NXNL2: variants seen among roughly 807,000 people sequenced by gnomAD.
NXNL2 encodes nucleoredoxin like 2.
A neutral mutation model predicts 11.1 loss-of-function variants in NXNL2; 7 were observed. The ratio of observed to expected loss-of-function variants is 0.63; its 90% CI spans 0.36 to 1.18. The LOEUF is 1.18. Among genes scored for constraint, NXNL2 ranks in the 50% most tolerant of loss-of-function variants. The pLI is 0.02. For missense variants in NXNL2, 233 were observed against 217.7 expected (o/e 1.07, Z -0.44); for synonymous variants, 109 against 101.8 (o/e 1.07, Z -0.42).
intron 1 of NXNL2, among the ~76,000 whole-genome samples, chr9:88,560,728 G>A (rs746941709): frequency 6.6e-6 from 1 of 152,034 alleles, no homozygotes. Context: ...GGGCAACATA[G>A]TAAGACCCAG....
intron 1 of NXNL2, among the ~76,000 whole-genome samples, chr9:88,555,056 C>T (rs567303102): frequency 3.3e-5 from 5 of 152,330 alleles, no homozygotes; most frequent in African/African-American, 9.6e-5. Flanking sequence ...CCAGATGGTA[C>T]ACAAGACTTG....
chr9:88,574,062 T>C (rs1830313042), intron 2 of NXNL2, among the ~76,000 whole-genome samples: 2 of 152,314 alleles, frequency 1.3e-5, no homozygotes, highest in South Asian at 2.1e-4. Flanking sequence ...AACAGTTTAG[T>C]GGTTTCTTTA....
chr9:88,569,799 A>G (rs1830231929), intron 1 of NXNL2, among the ~76,000 whole-genome samples: 1 of 152,194 alleles, frequency 6.6e-6, no homozygotes, highest in Non-Finnish European at 1.5e-5. Flanking sequence ...CCTGTGGGAT[A>G]AATTCTATTT....
downstream of NXNL2, among the ~76,000 whole-genome samples, chr9:88,548,428 C>T (rs931345246): frequency 3.0e-5 from 4 of 132,824 alleles, no homozygotes; most frequent in Admixed American, 8.4e-5. Flanking sequence ...CTTTTGGAGG[C>T]CAAGGTGTGT....
Position 88,535,735 on chromosome 9 carries a change from C to T in NXNL2, c.301C>T (p.His101Tyr), listed in dbSNP as rs1422277059. The T allele has an allele frequency of 3.8e-6, 6 of 1,566,780 alleles. No individual in the cohort carries two copies. Among genetic ancestry groups the T allele is most frequent in the Non-Finnish European group, 3.4e-6 (4 of 1,163,842 alleles). Residue 101 changes from histidine (H) to tyrosine (Y), a missense_variant and splice_region_variant, in exon 1 of 2, where the codon CAT becomes TAT. His to Tyr is a moderately conservative substitution (Grantham distance 83). Transcript: ENST00000375854. ...GCTGCCCTTCCACGACCCCTACCGG[C>T]AGTGAGTGGGGGTCCTGGGGGGGCG... ...LALPFHDPYRHELRKRYNVTA... is the reference protein window; with the variant it reads ...LALPFHDPYRYELRKRYNVTA...
downstream of NXNL2, among the ~76,000 whole-genome samples, chr9:88,579,525 C>T (rs1224854752): frequency 6.6e-6 from 1 of 152,150 alleles, no homozygotes; most frequent in Non-Finnish European, 1.5e-5. Flanking sequence ...GTTGTGACAG[C>T]CTCCTGATGC....
At chr9:88,573,493 G>A (rs1359597095) in intron 2 of NXNL2, among the ~76,000 whole-genome samples, 7 of 152,150 alleles carry the variant, frequency 4.6e-5, no homozygotes, top group African/African-American at 1.7e-4. Context: ...GGGTGATATT[G>A]GAGAAATGCT....
At chr9:88,577,292 T>G (rs1830358695), downstream of NXNL2, among the ~76,000 whole-genome samples, 1 of 149,150 alleles carries the variant, frequency 6.7e-6, no homozygotes, top group Non-Finnish European at 1.5e-5. Flanking sequence ...TGTGTGTTTG[T>G]GACTGGGCGG....
chr9:88,575,134 C>T (rs1830330497), exon 3 of NXNL2: 2 of 985,100 alleles, frequency 2.0e-6, no homozygotes, highest in Non-Finnish European at 2.4e-6. Context: ...AGGAGTTGGA[C>T]ACTCCGAGAG....
Position 88,535,413 on chromosome 9 carries a change from C to A in NXNL2, c.-22C>A. 6.4e-7 allele frequency: 1 copy of A among 1,572,118 alleles called. No homozygotes were observed. The highest frequency in any genetic ancestry group is 1.2e-5 in the South Asian group (1 of 85,688). The stretch of plus-strand genomic sequence containing the variant: ...TCCTCCTGCAGGTGTCCTCGGGTCT[C>A]AGGTGGCTGCGTGTCTGCGCCATGG... On this transcript the variant is annotated 5_prime_UTR_variant, in exon 1 of 2. Coordinates refer to ENST00000375854, the MANE Select transcript of NXNL2 (RefSeq NM_001161625.2).
chr9:88,543,083 C>A (rs1829792118), intron 1 of NXNL2, among the ~76,000 whole-genome samples: 1 of 152,094 alleles, frequency 6.6e-6, no homozygotes, highest in African/African-American at 2.4e-5. Context: ...ATGCTCGTTT[C>A]CCTAAATGAA....
intron 2 of NXNL2, among the ~76,000 whole-genome samples, chr9:88,571,784 C>T (rs989915865): frequency 2.0e-5 from 3 of 152,190 alleles, no homozygotes; most frequent in Admixed American, 6.5e-5. Context: ...CACCTGGGGG[C>T]ATCTCACTGG....
downstream of NXNL2, among the ~76,000 whole-genome samples, chr9:88,547,082 C>G (rs555401150): frequency 6.6e-6 from 1 of 152,362 alleles, no homozygotes; most frequent in South Asian, 2.1e-4. Flanking sequence ...AGACATGCAG[C>G]ATCGTGACCC....
chr9:88,548,511 C>T (rs891982543), downstream of NXNL2, among the ~76,000 whole-genome samples: 9 of 149,684 alleles, frequency 6.0e-5, no homozygotes, highest in African/African-American at 2.2e-4. Context: ...TGGTGAAACC[C>T]TGTCTCTACT....
chr9:88,557,772 C>T (rs577014772), intron 1 of NXNL2, among the ~76,000 whole-genome samples: 1 of 152,344 alleles, frequency 6.6e-6, no homozygotes, highest in South Asian at 2.1e-4. Context: ...AGAATCCCTG[C>T]AGTCACTCAA....
chr9:88,578,470 T>C (rs879778820), downstream of NXNL2, among the ~76,000 whole-genome samples: 1 of 152,268 alleles, frequency 6.6e-6, no homozygotes, highest in Non-Finnish European at 1.5e-5. Context: ...TAAAATTTAT[T>C]TGGTAATCAG....
downstream of NXNL2, among the ~76,000 whole-genome samples, chr9:88,579,043 T>C (rs895192953): frequency 2.6e-5 from 4 of 152,174 alleles, no homozygotes; most frequent in Non-Finnish European, 4.4e-5. Flanking sequence ...TCTTGCTGAT[T>C]AAGTGGGTGG....
intron 1 of NXNL2, among the ~76,000 whole-genome samples, chr9:88,551,558 A>G (rs1340294847): frequency 6.6e-6 from 1 of 151,968 alleles, no homozygotes; most frequent in African/African-American, 2.4e-5. Context: ...TGAAAGCAGT[A>G]TCTCCTCATA....
At chr9:88,553,096 T>G (rs755963768) in intron 1 of NXNL2, among the ~76,000 whole-genome samples, 5 of 152,190 alleles carry the variant, frequency 3.3e-5, no homozygotes, top group Admixed American at 6.5e-5. Flanking sequence ...AATGCCGTAA[T>G]AATTGCAAAA....
Sources: allele counts gnomAD v4.1 joint callset (sites outside exome capture counted in the v4.1 genomes callset), GRCh38; gene constraint gnomAD v4.1.1; transcripts MANE v1.5; gene names NCBI Gene and HGNC (gene_info 2026-07-23, HGNC 2026-07-21).